Variants in RPS6KB1 observed in about 807,000 individuals in gnomAD.
RPS6KB1 encodes ribosomal protein S6 kinase beta-1.
Under a neutral mutation model 70.2 loss-of-function variants are expected in RPS6KB1, and 12 were observed. The observed-to-expected ratio is 0.17, with a 90% CI of 0.11 to 0.28. The LOEUF is 0.28. RPS6KB1 is among the 10% of genes least tolerant of loss of function. The pLI is 1.00. For synonymous variants in RPS6KB1, 175 were observed against 211.2 expected (o/e 0.83, Z 1.49); for missense variants, 270 against 646.6 (o/e 0.42, Z 6.32).
intron 3 of RPS6KB1, among the ~76,000 whole-genome samples, chr17:59,914,290 G>A (rs1012606347): frequency 1.3e-5 from 2 of 152,004 alleles, no homozygotes; most frequent in Non-Finnish European, 2.9e-5. Context: ...CAAGGGCAGT[G>A]GCAAGCAACC....
chr17:59,944,640 T>C (rs2044812146), intron 13 of RPS6KB1, among the ~76,000 whole-genome samples: 1 of 152,126 alleles, frequency 6.6e-6, no homozygotes, highest in African/African-American at 2.4e-5. Flanking sequence ...ACCAGAAAGA[T>C]CACAAGATCT....
chr17:59,938,186 G>GGC (rs1568492831), intron 12 of RPS6KB1, among the ~76,000 whole-genome samples: 7 of 134,766 alleles, frequency 5.2e-5, no homozygotes, highest in Non-Finnish European at 7.8e-5. Context: ...TTTTTTTTTG[G>GGC]GGGGGGGATA....
At chr17:59,900,171 AACACACACACACAC>A (rs759914423) in intron 1 of RPS6KB1, among the ~76,000 whole-genome samples, 1,540 of 102,476 alleles carry the variant, frequency 0.015, 18 homozygotes, top group Non-Finnish European at 0.02. Flanking sequence ...CTAATTGCTA[AACACACACACACAC>A]ACACACACAC....
intron 1 of RPS6KB1, among the ~76,000 whole-genome samples, chr17:59,900,998 CTAA>C (rs2041902839): frequency 6.6e-6 from 1 of 151,586 alleles, no homozygotes; most frequent in African/African-American, 2.4e-5. Flanking sequence ...CCTGTCTCTA[CTAA>C]TAATACAAAA....
At chr17:59,908,995 C>T (rs1309848496) in intron 1 of RPS6KB1, among the ~76,000 whole-genome samples, 38 of 146,918 alleles carry the variant, frequency 2.6e-4, no homozygotes, top group Admixed American at 2.8e-4. Context: ...GGCGCGATCT[C>T]GGCTCACTGC....
At chr17:59,944,955 T>G (rs1340917630) in intron 13 of RPS6KB1, among the ~76,000 whole-genome samples, 23 of 151,870 alleles carry the variant, frequency 1.5e-4, no homozygotes, top group Non-Finnish European at 2.9e-5. Flanking sequence ...TGCACCACCA[T>G]GCATGGTGGT....
chr17:59,905,464 A>G (rs1237654304), intron 1 of RPS6KB1, among the ~76,000 whole-genome samples: 1 of 150,606 alleles, frequency 6.6e-6, no homozygotes, highest in East Asian at 2.0e-4. Flanking sequence ...ACTCCCTCCT[A>G]TGCTTCTTTT....
intron 12 of RPS6KB1, among the ~76,000 whole-genome samples, chr17:59,938,185 G>C (rs1212973977): frequency 2.4e-5 from 2 of 84,850 alleles, no homozygotes; most frequent in African/African-American, 8.1e-5. Context: ...TTTTTTTTTT[G>C]GGGGGGGGAT....
At chr17:59,900,219 CA>C (rs1568377369) in intron 1 of RPS6KB1, among the ~76,000 whole-genome samples, 109 of 138,458 alleles carry the variant, frequency 7.9e-4, no homozygotes, top group South Asian at 2.6e-3. Flanking sequence ...CACACACACA[CA>C]CACACACACA....
At position 59,949,478 on chromosome 17, in the gene RPS6KB1, ATTT is replaced by A. The variant is rs1598855812; in HGVS notation, c.*2695_*2697del. On this transcript the variant is annotated 3_prime_UTR_variant, in exon 15 of 15. Coordinates refer to ENST00000225577, the MANE Select transcript of RPS6KB1 (RefSeq NM_003161.4). ...TCTTTAAAATCAGCTATTACAGGAT[ATTT>A]TTTTATTTTATACATGCTGTTTTTT... The A allele has an allele frequency of 1.3e-5, 2 of 152,490 alleles. No individual in the cohort carries two copies. Among genetic ancestry groups the A allele is most frequent in the East Asian group, 1.9e-4 (1 of 5,188 alleles). 9.4% of individuals were successfully genotyped at this position (152,490 alleles called of 1,614,324 possible).
At chr17:59,938,745 T>C (rs866049296) in intron 12 of RPS6KB1, among the ~76,000 whole-genome samples, 2 of 85,292 alleles carry the variant, frequency 2.3e-5, no homozygotes, top group African/African-American at 7.3e-5. Flanking sequence ...GTGTGTGTGT[T>C]TAAGTGATGT....
chr17:59,898,209 G>T (rs937549529), intron 1 of RPS6KB1, among the ~76,000 whole-genome samples: 4 of 152,022 alleles, frequency 2.6e-5, no homozygotes, highest in Non-Finnish European at 5.9e-5. Flanking sequence ...AAACTGTAAT[G>T]CAATTTAAAA....
At chr17:59,942,147 C>T (rs2044647343) in intron 13 of RPS6KB1, among the ~76,000 whole-genome samples, 3 of 152,114 alleles carry the variant, frequency 2.0e-5, no homozygotes, top group South Asian at 4.1e-4. Context: ...CGTAAGCCAC[C>T]ACGCCCAGTC....
chr17:59,946,805 A>G lies in RPS6KB1; in HGVS notation c.*17A>G. On this transcript the variant is annotated 3_prime_UTR_variant, in exon 15 of 15. Transcript: ENST00000225577. This position sits in a 1 kb window ranked among gnomAD's most constrained non-coding sequence, Gnocchi z 4.2. Reference sequence around the variant, plus strand: ...AATCTATGACAGAGCAATGCTTTTAATGAATTTAAGGCAAAAAAGGTGGAG... The same window carrying G: ...AATCTATGACAGAGCAATGCTTTTAGTGAATTTAAGGCAAAAAAGGTGGAG... 2 of 1,612,654 alleles carry G rather than the reference A, an allele frequency of 1.2e-6. No individual in the cohort carries two copies. Among genetic ancestry groups the G allele is most frequent in the Non-Finnish European group, 1.7e-6 (2 of 1,178,656 alleles).
intron 4 of RPS6KB1, among the ~76,000 whole-genome samples, chr17:59,922,930 G>T (rs544534869): frequency 9.4e-4 from 141 of 149,514 alleles, no homozygotes; most frequent in African/African-American, 3.3e-3. Flanking sequence ...GCAACGATGT[G>T]GTCTTGGCTC....
intron 1 of RPS6KB1, among the ~76,000 whole-genome samples, chr17:59,896,194 A>AT (rs938748976): frequency 6.0e-5 from 9 of 149,954 alleles, no homozygotes; most frequent in East Asian, 2.0e-4. Context: ...ATTTTATTTT[A>AT]TTTTTTTTTC....
At chr17:59,907,398 C>A (rs557520669) in intron 1 of RPS6KB1, 1 of 152,248 alleles carries the variant, frequency 6.6e-6, no homozygotes, top group Admixed American at 6.5e-5. Flanking sequence ...AATCCGTGAC[C>A]AATTTGGTTA....
rs2041279054 is a variant in RPS6KB1, at chr17:59,893,566, A to G, written c.141+241A>G. 6.6e-6 allele frequency among the ~76,000 whole-genome samples: 1 copy of G among 152,088 alleles called. No homozygotes were observed. Among genetic ancestry groups the G allele is most frequent in the African/African-American group, 2.4e-5 (1 of 41,410 alleles). On this transcript the variant is annotated intron_variant, in intron 1 of 14. Transcript: ENST00000225577. The surrounding 1 kb of genome is among the most constrained non-coding windows in gnomAD (Gnocchi z 4.1). The stretch of plus-strand genomic sequence containing the variant: ...GGTCAGCGCAGCCCCGAGCGATCTG[A>G]AGAGGGAAAGAGAACGGGCGCGTGG...
chr17:59,906,672 G>A (rs2042280782), intron 1 of RPS6KB1, among the ~76,000 whole-genome samples: 1 of 151,794 alleles, frequency 6.6e-6, no homozygotes, highest in African/African-American at 2.4e-5. Flanking sequence ...TGGCTCCTTT[G>A]CATTTCTTTC....
Sources: allele counts gnomAD v4.1 joint callset (sites outside exome capture counted in the v4.1 genomes callset), GRCh38; gene constraint gnomAD v4.1.1; non-coding constraint Gnocchi (gnomAD v3.1); transcripts MANE v1.5; gene names NCBI Gene and HGNC (gene_info 2026-07-23, HGNC 2026-07-21).